Variants in TMEM150C observed in about 807,000 individuals in gnomAD.
The protein encoded by TMEM150C is tentonin 3.
In TMEM150C, 10 loss-of-function variants were observed where a neutral mutation model predicts 29.9. That is an observed-to-expected ratio of 0.33 (90% CI 0.21 to 0.57). TMEM150C has a LOEUF of 0.57. Ranked by LOEUF, TMEM150C falls within the 20% of genes least tolerant of loss-of-function variation. The pLI is 0.88. For missense variants in TMEM150C, 251 were observed against 303.6 expected (o/e 0.83, Z 1.29); for synonymous variants, 101 against 112.5 (o/e 0.90, Z 0.64).
At chr4:82,528,553 C>A (rs1348201067) in intron 1 of TMEM150C, among the ~76,000 whole-genome samples, 1 of 151,694 alleles carries the variant, frequency 6.6e-6, no homozygotes, top group Non-Finnish European at 1.5e-5. Context: ...CCCACAGCCC[C>A]CTCTCTCATT....
chr4:82,541,187 A>G (rs1279561359), intron 1 of TMEM150C, among the ~76,000 whole-genome samples: 1 of 152,196 alleles, frequency 6.6e-6, no homozygotes, highest in African/African-American at 2.4e-5. Flanking sequence ...GATAAGTTAT[A>G]TACTTTCTAT....
At chr4:82,536,840 A>T (rs554511500) in intron 1 of TMEM150C, among the ~76,000 whole-genome samples, 2 of 152,364 alleles carry the variant, frequency 1.3e-5, no homozygotes, top group Non-Finnish European at 2.9e-5. Flanking sequence ...AATATTCTTC[A>T]TATATAATGT....
At chr4:82,540,116 T>TC (rs1160636653) in intron 1 of TMEM150C, among the ~76,000 whole-genome samples, 1 of 45,354 alleles carries the variant, frequency 2.2e-5, no homozygotes. Context: ...TACCTATTCT[T>TC]TTTTTTTTTT....
chr4:82,483,739 C>A lies in TMEM150C; in HGVS notation c.*1772G>T, dbSNP rs1723068658. On this transcript the variant is annotated 3_prime_UTR_variant, in exon 8 of 8. Coordinates refer to ENST00000449862, the MANE Select transcript of TMEM150C (RefSeq NM_001080506.3). ...CAATACAGAGATGAAAAGACATTGA[C>A]CTTTTCCTCAAGAAATTCAGACTTT... The A allele has an allele frequency of 6.6e-6, 1 of 152,000 alleles. No homozygotes were observed. Among genetic ancestry groups the A allele is most frequent in the African/African-American group, 2.4e-5 (1 of 41,368 alleles). 9.4% of individuals were successfully genotyped at this position (152,000 alleles called of 1,614,324 possible). A position where few individuals can be genotyped will look rare whatever the true frequency, so the allele number is the denominator to read the frequency against.
intron 1 of TMEM150C, among the ~76,000 whole-genome samples, chr4:82,510,711 T>C (rs936599942): frequency 2.6e-5 from 4 of 152,198 alleles, no homozygotes; most frequent in African/African-American, 9.7e-5. Context: ...TTTTTTGTCT[T>C]GTAATTTATC....
intron 1 of TMEM150C, among the ~76,000 whole-genome samples, chr4:82,547,375 G>A (rs1226858734): frequency 2.0e-5 from 3 of 151,810 alleles, no homozygotes; most frequent in African/African-American, 7.3e-5. Context: ...GATCATTTGA[G>A]GTCAGGAGTT....
Position 82,485,396 on chromosome 4 carries a change from ATGTGTGTG to A in TMEM150C, c.*107_*114del, listed in dbSNP as rs3832273. 4 of 694,582 alleles carry A rather than the reference ATGTGTGTG, an allele frequency of 5.8e-6. No individual in the cohort carries two copies. The highest frequency in any genetic ancestry group is 1.8e-5 in the African/African-American group (1 of 54,530). The allele number at this position is 694,582 out of a possible 1,614,324, so 43.0% of individuals were successfully genotyped here. On this transcript the variant is annotated 3_prime_UTR_variant, in exon 8 of 8. Coordinates refer to ENST00000449862, the MANE Select transcript of TMEM150C (RefSeq NM_001080506.3). ...GCTCATTTGGCAAATGTGGCCATGAATGTGTGTGTGTGTGTGTGTGTGAAATGAGGTTC... is the reference window on the plus strand; with the variant it reads ...GCTCATTTGGCAAATGTGGCCATGAATGTGTGTGTGTGTGAAATGAGGTTC...
intron 1 of TMEM150C, among the ~76,000 whole-genome samples, chr4:82,552,736 A>AT (rs1173992205): frequency 1.3e-5 from 2 of 152,104 alleles, no homozygotes; most frequent in Admixed American, 6.5e-5. Context: ...TCGTCAGATG[A>AT]TTTTTTGTGC....
chr4:82,510,933 A>C (rs1186598445), intron 1 of TMEM150C, among the ~76,000 whole-genome samples: 1 of 152,152 alleles, frequency 6.6e-6, no homozygotes, highest in African/African-American at 2.4e-5. Context: ...TTATCTTATC[A>C]TTCATTTGTA....
intron 6 of TMEM150C, chr4:82,491,242 C>T (rs1213775403): frequency 1.0e-5 from 7 of 678,304 alleles, no homozygotes; most frequent in East Asian, 2.7e-5. Context: ...TTAGTGGGGA[C>T]GTCCTCTTTG....
chr4:82,526,454 A>G (rs1578141784), intron 1 of TMEM150C, among the ~76,000 whole-genome samples: 1 of 152,216 alleles, frequency 6.6e-6, no homozygotes, highest in African/African-American at 2.4e-5. Context: ...CAACAATAAT[A>G]ATGATGATGA....
intron 1 of TMEM150C, among the ~76,000 whole-genome samples, chr4:82,520,096 G>C (rs1724435980): frequency 6.6e-6 from 1 of 152,148 alleles, no homozygotes; most frequent in Admixed American, 6.5e-5. Flanking sequence ...CAGTGGACCT[G>C]GGCAGACTGG....
At chr4:82,536,686 G>A (rs1416256529) in intron 1 of TMEM150C, among the ~76,000 whole-genome samples, 3 of 151,586 alleles carry the variant, frequency 2.0e-5, no homozygotes, top group African/African-American at 7.3e-5. Context: ...AGACCAGCCT[G>A]AGCAATATAG....
intron 1 of TMEM150C, among the ~76,000 whole-genome samples, chr4:82,514,932 T>C (rs775945440): frequency 2.0e-5 from 3 of 152,196 alleles, no homozygotes; most frequent in Non-Finnish European, 4.4e-5. Context: ...TATTGTTGCC[T>C]TATTGTTGTT....
intron 1 of TMEM150C, among the ~76,000 whole-genome samples, chr4:82,543,145 G>A (rs938088418): frequency 2.0e-5 from 3 of 152,114 alleles, no homozygotes; most frequent in Admixed American, 6.5e-5. Flanking sequence ...GGGCCCAGGG[G>A]GTCTAACTCC....
chr4:82,496,762 C>G (rs1045246868), intron 5 of TMEM150C, among the ~76,000 whole-genome samples: 2 of 152,180 alleles, frequency 1.3e-5, no homozygotes, highest in Non-Finnish European at 2.9e-5. Context: ...ATAAACCATT[C>G]CTGGGAAGAA....
intron 1 of TMEM150C, among the ~76,000 whole-genome samples, chr4:82,536,086 C>G (rs1169309046): frequency 4.6e-5 from 7 of 152,012 alleles, no homozygotes; most frequent in Admixed American, 3.3e-4. Context: ...TTAGGATGGG[C>G]GTGGTGGCTC....
At chr4:82,546,184 T>C (rs202197854) in intron 1 of TMEM150C, among the ~76,000 whole-genome samples, 21 of 152,280 alleles carry the variant, frequency 1.4e-4, no homozygotes, top group East Asian at 1.3e-3. Context: ...AATTCAACAC[T>C]ATTCCTATCA....
chr4:82,504,364 C>T (rs911481855), intron 2 of TMEM150C, among the ~76,000 whole-genome samples: 3 of 152,062 alleles, frequency 2.0e-5, no homozygotes, highest in Admixed American at 6.5e-5. Context: ...CCATCACACC[C>T]GGCTAACTTC....
Sources: gnomAD v4.1 joint callset for allele counts (sites outside exome capture counted in the v4.1 genomes callset) on GRCh38, gnomAD v4.1.1 for gene constraint, MANE v1.5 for transcripts, NCBI Gene and HGNC (gene_info 2026-07-23, HGNC 2026-07-21) for gene names.